Variants in DEUP1 observed in about 807,000 individuals in gnomAD.
DEUP1 encodes coiled-coil domain containing 67.
Under a neutral mutation model 87.4 loss-of-function variants are expected in DEUP1, and 82 were observed. The ratio of observed to expected loss-of-function variants is 0.94; its 90% CI spans 0.78 to 1.13. The LOEUF is 1.13. Among genes scored for constraint, DEUP1 ranks in the 50% most tolerant of loss-of-function variants. The probability of loss-of-function intolerance (pLI) is 0.00; values close to 1 mark genes in which losing one functional copy is unlikely to be tolerated. For missense variants in DEUP1, 663 were observed against 681.5 expected (o/e 0.97, Z 0.30); for synonymous variants, 214 against 222.7 (o/e 0.96, Z 0.35).
chr11:93,386,078 G>C (rs1222211597), intron 8 of DEUP1, among the ~76,000 whole-genome samples: 1 of 151,788 alleles, frequency 6.6e-6, no homozygotes, highest in Non-Finnish European at 1.5e-5. Flanking sequence ...TACAAAAATA[G>C]TATAGAACTG....
intron 2 of DEUP1, among the ~76,000 whole-genome samples, chr11:93,349,493 A>G (rs1200599497): frequency 6.6e-6 from 1 of 152,208 alleles, no homozygotes; most frequent in Admixed American, 6.5e-5. Context: ...CACCTAAACC[A>G]AAGGATCTGT....
At chr11:93,357,957 T>A (rs1944974562) in intron 4 of DEUP1, among the ~76,000 whole-genome samples, 1 of 152,144 alleles carries the variant, frequency 6.6e-6, no homozygotes, top group Admixed American at 6.5e-5. Context: ...AGTTATAAAA[T>A]TATATATGGT....
At chr11:93,354,148 C>A (rs940515368) in intron 2 of DEUP1, among the ~76,000 whole-genome samples, 1 of 152,172 alleles carries the variant, frequency 6.6e-6, no homozygotes, top group Admixed American at 6.5e-5. Context: ...ATTTCTTCTG[C>A]CAGATACCCT....
intron 5 of DEUP1, among the ~76,000 whole-genome samples, chr11:93,368,435 G>C (rs1591154007): frequency 1.3e-5 from 2 of 152,310 alleles, no homozygotes; most frequent in Middle Eastern, 3.4e-3. Context: ...TTGACTCACA[G>C]TTCCACAGGT....
chr11:93,351,408 C>G (rs907211926), intron 2 of DEUP1, among the ~76,000 whole-genome samples: 2 of 152,166 alleles, frequency 1.3e-5, no homozygotes, highest in Non-Finnish European at 2.9e-5. Flanking sequence ...TGCTGTGGTA[C>G]TATACTAGGC....
chr11:93,352,350 A>G, intron 2 of DEUP1: 4 of 702,504 alleles, frequency 5.7e-6, no homozygotes, highest in African/African-American at 1.7e-5. Flanking sequence ...AGTCTGAGTG[A>G]CTGGACTTAC....
chr11:93,387,978 C>A (rs1256047351), intron 8 of DEUP1, among the ~76,000 whole-genome samples: 2 of 151,922 alleles, frequency 1.3e-5, no homozygotes, highest in Non-Finnish European at 2.9e-5. Context: ...ATGGTTTTTC[C>A]TGAATGTTAA....
intron 4 of DEUP1, among the ~76,000 whole-genome samples, chr11:93,363,628 T>A (rs1163610888): frequency 6.6e-6 from 1 of 151,900 alleles, no homozygotes; most frequent in East Asian, 1.9e-4. Flanking sequence ...AATAATACAA[T>A]GTTATAAAAA....
intron 5 of DEUP1, among the ~76,000 whole-genome samples, chr11:93,369,820 T>C (rs1257931136): frequency 2.4e-5 from 1 of 41,268 alleles, no homozygotes; most frequent in African/African-American, 1.0e-4. Context: ...AGTCCCAGCT[T>C]CTCGGGAGGC....
intron 2 of DEUP1, among the ~76,000 whole-genome samples, chr11:93,352,860 T>C (rs1452964857): frequency 1.3e-5 from 2 of 152,182 alleles, no homozygotes; most frequent in African/African-American, 4.8e-5. Flanking sequence ...CCCAGGTCTC[T>C]TCCACAACAC....
At chr11:93,408,484 T>C (rs934149833) in intron 12 of DEUP1, 57 bp downstream of exon 12, 5 of 1,129,592 alleles carry the variant, frequency 4.4e-6, no homozygotes, top group Non-Finnish European at 6.1e-6. Flanking sequence ...TTAAAATTTA[T>C]TTTTAAAGAA....
At position 93,360,818 on chromosome 11, in the gene DEUP1, C is replaced by T. The variant is rs2134232259; in HGVS notation, c.298-3342C>T. Among the ~76,000 whole-genome samples the T allele has an allele frequency of 2.1e-5, 3 of 144,066 alleles. No individual in the cohort carries two copies. The Middle Eastern group carries it at 0.012, about 572-fold the overall frequency. The allele number at this position is 144,066 out of a possible 152,430, so 94.5% of individuals were successfully genotyped here. A position where few individuals can be genotyped will look rare whatever the true frequency, so the allele number is the denominator to read the frequency against. On this transcript the variant is annotated intron_variant, in intron 4 of 13. Transcript: ENST00000298050. ...ATAACAAGCAATTTAAAATTTATAT[C>T]ATCAGAGAACCCAGAAGGAGAGGAG...
At position 93,377,486 on chromosome 11, in the gene DEUP1, ACCTTAAGTTTGTGTGAGT is replaced by A. The variant is rs987867280; in HGVS notation, c.789+6212_789+6229del. Among the ~76,000 whole-genome samples the A allele has an allele frequency of 2.6e-5, 4 of 151,920 alleles. No individual in the cohort carries two copies. The East Asian group carries it at 5.8e-4, about 22-fold the overall frequency. On this transcript the variant is annotated intron_variant, in intron 7 of 13. Coordinates refer to ENST00000298050, the MANE Select transcript of DEUP1 (RefSeq NM_181645.4). Reference sequence around the variant, plus strand: ...ATGGAATATCTTTGTCTGCCCCTTTACCTTAAGTTTGTGTGAGTCCTTATGTGTCAGGTGAGTCTCTTG... The same window carrying A: ...ATGGAATATCTTTGTCTGCCCCTTTACCTTATGTGTCAGGTGAGTCTCTTG...
At chr11:93,408,519 T>G (rs1947347382) in intron 12 of DEUP1, 92 bp downstream of exon 12, 1 of 826,376 alleles carries the variant, frequency 1.2e-6, no homozygotes, top group African/African-American at 1.7e-5. Context: ...TTATACGCTT[T>G]CTCTTCTGTG....
chr11:93,385,804 CACTTTGGA>C (rs1359204028), intron 8 of DEUP1, among the ~76,000 whole-genome samples: 1 of 152,094 alleles, frequency 6.6e-6, no homozygotes, highest in East Asian at 1.9e-4. Context: ...TGGCTCCTAG[CACTTTGGA>C]AGGCCGAGGT....
chr11:93,416,406 C>T (rs1947630143), intron 13 of DEUP1, among the ~76,000 whole-genome samples: 1 of 152,222 alleles, frequency 6.6e-6, no homozygotes, highest in Admixed American at 6.5e-5. Flanking sequence ...ACAAACACCT[C>T]TACGCAAATA....
At chr11:93,433,637 A>G (rs1948162568) in intron 13 of DEUP1, among the ~76,000 whole-genome samples, 1 of 152,252 alleles carries the variant, frequency 6.6e-6, no homozygotes, top group Non-Finnish European at 1.5e-5. Context: ...CTAATCACTC[A>G]GGCCAGAATC....
rs185173676 is a variant in DEUP1, at chr11:93,410,478, T to C, written c.1523+2051T>C. Among the ~76,000 whole-genome samples, 499 of 152,328 alleles carry C rather than the reference T, an allele frequency of 3.3e-3. 10 individuals carry two copies. The highest frequency in any genetic ancestry group is 3.7e-4 in the Non-Finnish European group (25 of 68,024). ...ATAAATAAGCTTTACAGAGTACTTA[T>C]GGATTCATTCTCCATTGGTCAAATT... On this transcript the variant is annotated intron_variant, in intron 12 of 13. Transcript: ENST00000298050.
At chr11:93,408,072 G>A (rs938003501) in intron 11 of DEUP1, among the ~76,000 whole-genome samples, 159 bp from the exon 12 acceptor site, 2 of 152,040 alleles carry the variant, frequency 1.3e-5, no homozygotes, top group East Asian at 3.9e-4. Flanking sequence ...GTGAGGAGGT[G>A]AGGGGGTGGA....
Sources: gnomAD v4.1 joint callset for allele counts (sites outside exome capture counted in the v4.1 genomes callset) on GRCh38, gnomAD v4.1.1 for gene constraint, MANE v1.5 for transcripts, NCBI Gene and HGNC (gene_info 2026-07-23, HGNC 2026-07-21) for gene names.